The following ABCC4 variants were observed in gnomAD, a reference collection of about 807,000 sequenced individuals.
The protein encoded by ABCC4 is ATP binding cassette subfamily C member 4 (PEL blood group), also known as ATP-binding cassette sub-family C member 4.
Under a neutral mutation model 168.5 loss-of-function variants are expected in ABCC4, and 102 were observed. The observed-to-expected ratio is 0.61, with a 90% CI of 0.52 to 0.71. The LOEUF is 0.71. ABCC4 is among the 30% of genes least tolerant of loss of function. The pLI is 0.00. For synonymous variants in ABCC4, 617 were observed against 590.7 expected (o/e 1.04, Z -0.65); for missense variants, 1,402 against 1,605.8 (o/e 0.87, Z 2.17).
At chr13:95,247,602 C>G (rs1417176590) in intron 2 of ABCC4, 41 bp downstream of exon 2, 2 of 1,504,540 alleles carry the variant, frequency 1.3e-6, no homozygotes, top group Admixed American at 3.4e-5. Flanking sequence ...CACACAGACA[C>G]CCACGCTTCC....
chr13:95,137,730 G>A (rs968923642), intron 19 of ABCC4, among the ~76,000 whole-genome samples: 1 of 152,190 alleles, frequency 6.6e-6, no homozygotes, highest in African/African-American at 2.4e-5. Context: ...AAAGCACGAT[G>A]TGGACAGGAA....
At chr13:95,055,814 T>C (rs1410250995) in intron 26 of ABCC4, 3 of 151,440 alleles carry the variant, frequency 2.0e-5, no homozygotes, top group Non-Finnish European at 4.4e-5. Flanking sequence ...ACCCAGGAGG[T>C]GGAGGTTGAA....
At chr13:95,060,908 C>A (rs1485681122) in intron 26 of ABCC4, among the ~76,000 whole-genome samples, 1 of 152,172 alleles carries the variant, frequency 6.6e-6, no homozygotes, top group Non-Finnish European at 1.5e-5. Flanking sequence ...CAACCCCCCA[C>A]CTTCCCTCAG....
intron 1 of ABCC4, among the ~76,000 whole-genome samples, chr13:95,261,064 A>T (rs1361988308): frequency 6.6e-6 from 1 of 152,016 alleles, no homozygotes; most frequent in Non-Finnish European, 1.5e-5. Flanking sequence ...AAACATCGCA[A>T]CCCAAGTCAT....
intron 19 of ABCC4, among the ~76,000 whole-genome samples, chr13:95,127,396 C>T (rs1305406840): frequency 6.6e-6 from 1 of 152,132 alleles, no homozygotes. Context: ...AGCGATTCTC[C>T]TGCCTCAGCC....
rs1228248749 is a variant in ABCC4, at chr13:95,244,661, G to C, written c.306+2314C>G. Among the ~76,000 whole-genome samples, 2 of 18,744 alleles carry C rather than the reference G, an allele frequency of 1.1e-4. 1 individual carries two copies. Among genetic ancestry groups the C allele is most frequent in the Non-Finnish European group, 2.4e-4 (2 of 8,166 alleles). The allele number at this position is 18,744 out of a possible 152,430, so 12.3% of individuals were successfully genotyped here. The stretch of plus-strand genomic sequence containing the variant: ...AGAAAGAAAGAAAGAAAGAAAGAAA[G>C]AAAGAAAGAAATCATAGCAGTTCCT... On this transcript the variant is annotated intron_variant, in intron 3 of 30. Transcript: ENST00000645237.
chr13:95,263,753 G>A (rs568060785), intron 1 of ABCC4, among the ~76,000 whole-genome samples: 1 of 151,934 alleles, frequency 6.6e-6, no homozygotes, highest in Non-Finnish European at 1.5e-5. Flanking sequence ...AACCCAGGAA[G>A]CAGAGGTTAC....
chr13:95,241,114 C>G (rs1040058163), intron 3 of ABCC4, among the ~76,000 whole-genome samples: 37 of 152,060 alleles, frequency 2.4e-4, no homozygotes, highest in African/African-American at 8.9e-4. Flanking sequence ...CCTGTAATCC[C>G]AGCACTCTGG....
intron 1 of ABCC4, among the ~76,000 whole-genome samples, chr13:95,270,358 G>T (rs1311219913): frequency 8.8e-5 from 9 of 102,280 alleles, no homozygotes; most frequent in African/African-American, 3.7e-4. Context: ...AAAAAAAAAA[G>T]AAAGAAAAGA....
At chr13:95,247,151 A>T (rs555131681) in intron 2 of ABCC4, 56 bp from the exon 3 acceptor site, 578 of 1,563,136 alleles carry the variant, frequency 3.7e-4, no homozygotes, top group Non-Finnish European at 4.8e-4. Flanking sequence ...AATATAAAAC[A>T]GGGGAGATGG....
chr13:95,188,479 C>G lies in ABCC4; in HGVS notation c.1327G>C (p.Val443Leu). 1 of 1,614,180 alleles carries G rather than the reference C, an allele frequency of 6.2e-7. No individual in the cohort carries two copies. Among genetic ancestry groups the G allele is most frequent in the Non-Finnish European group, 8.5e-7 (1 of 1,180,032 alleles). Residue 443 changes from valine (V) to leucine (L), a missense_variant, in exon 10 of 31, where the codon GTG (valine) becomes CTG (leucine). By Grantham distance (32) the Val-to-Leu change is conservative. This residue lies in a region of ABCC4 where 1,007 missense variants were observed against 1,127.3 expected (regional missense o/e 0.89). Coordinates refer to ENST00000645237, the MANE Select transcript of ABCC4 (RefSeq NM_005845.5). ...TTCCCTGCTCCCACGGGGCCGACCA[C>G]AGCTAACAATTCGCCAGGTCTGACA... ...FTVRPGELLA[V>L]VGPVGAGKSS...
At chr13:95,072,836 A>G (rs557150743) in intron 24 of ABCC4, among the ~76,000 whole-genome samples, 2 of 152,324 alleles carry the variant, frequency 1.3e-5, no homozygotes, top group East Asian at 3.9e-4. Context: ...AACAACCTCA[A>G]AATACTGAAG....
intron 1 of ABCC4, among the ~76,000 whole-genome samples, chr13:95,299,267 C>CAAA (rs59178850): frequency 5.4e-5 from 7 of 129,868 alleles, no homozygotes; most frequent in Admixed American, 8.0e-5. Flanking sequence ...GATCCTGTCT[C>CAAA]AAAAAAAAAA....
chr13:95,033,009 G>A (rs1453988889), intron 30 of ABCC4, among the ~76,000 whole-genome samples: 4 of 104,834 alleles, frequency 3.8e-5, no homozygotes, highest in East Asian at 2.7e-4. Flanking sequence ...TCGCTCTGTC[G>A]CCCAGGCTGG....
intron 19 of ABCC4, among the ~76,000 whole-genome samples, chr13:95,125,243 C>T (rs753819919): frequency 3.9e-5 from 6 of 152,134 alleles, no homozygotes; most frequent in Non-Finnish European, 8.8e-5. Context: ...TTACTGGACA[C>T]ATTTGCAAGT....
chr13:95,221,653 T>A (rs1192189240), intron 4 of ABCC4, among the ~76,000 whole-genome samples: 1 of 61,424 alleles, frequency 1.6e-5, no homozygotes, highest in African/African-American at 4.6e-5. Context: ...TAGAGAAATA[T>A]GTTAAAAAAA....
At chr13:95,188,387 T>C in intron 10 of ABCC4, 66 bp downstream of exon 10, 4 of 1,465,368 alleles carry the variant, frequency 2.7e-6, no homozygotes. Flanking sequence ...AGCCTTGGGC[T>C]CAAACCCACG....
At chr13:95,186,377 G>GCACTT (rs1433851451) in intron 11 of ABCC4, among the ~76,000 whole-genome samples, 20 of 152,096 alleles carry the variant, frequency 1.3e-4, no homozygotes, top group Admixed American at 1.3e-3. Flanking sequence ...TTGAGCAATG[G>GCACTT]GTACAGGCAG....
chr13:95,032,928 A>T (rs774714737), intron 30 of ABCC4, among the ~76,000 whole-genome samples: 10 of 148,412 alleles, frequency 6.7e-5, no homozygotes, highest in Non-Finnish European at 1.3e-4. Flanking sequence ...TCCCAAACAA[A>T]GTGCTGGGGT....
Sources: allele counts gnomAD v4.1 joint callset (sites outside exome capture counted in the v4.1 genomes callset), GRCh38; gene constraint gnomAD v4.1.1; regional missense constraint gnomAD v4.1.1; transcripts MANE v1.5; gene names NCBI Gene and HGNC (gene_info 2026-07-23, HGNC 2026-07-21).